DMD: variants seen among roughly 807,000 people sequenced by gnomAD.
The protein encoded by DMD is mutant dystrophin.
In DMD, 63 loss-of-function variants were observed where a neutral mutation model predicts 330.1. That is an observed-to-expected ratio of 0.19 (90% CI 0.16 to 0.24). The LOEUF is 0.24. Ranked by LOEUF, DMD falls within the 10% of genes least tolerant of loss-of-function variation. The pLI, the probability that DMD is intolerant of heterozygous loss-of-function variation, is 1.00. For missense variants in DMD, 3,344 were observed against 2,684.1 expected, an observed-to-expected ratio of 1.25 and a Z score of -5.43; for synonymous variants, 1,223 against 959.8, an observed-to-expected ratio of 1.27 and a Z score of -5.07.
chrX:33,290,656 A>G (rs2034053147), intron 1 of DMD, among the ~76,000 whole-genome samples: 1 of 111,550 alleles, frequency 9.0e-6, no homozygotes, highest in Admixed American at 9.6e-5. Context: ...CAAGTAATAT[A>G]AACTAGACAA....
chrX:33,072,048 T>C (rs1366787294), intron 1 of DMD, among the ~76,000 whole-genome samples: 2 of 112,353 alleles, frequency 1.8e-5, no homozygotes, highest in Non-Finnish European at 3.7e-5. Context: ...AATGTGTTCA[T>C]AGTGATTTTT....
intron 11 of DMD, among the ~76,000 whole-genome samples, chrX:32,635,103 G>A (rs1201324566): frequency 2.7e-5 from 3 of 111,390 alleles, no homozygotes; most frequent in South Asian, 3.8e-4. Flanking sequence ...GTTCTTTGTC[G>A]GTTTCCACTG....
rs184521824 is a variant in DMD, at chrX:32,701,306, A to G, written c.650-2013T>C. Reference sequence around the variant, plus strand: ...AGACATTTCAATGCACAAGGCTGAAAGGTACAAAGTTATACAACACATATG... The same window carrying G: ...AGACATTTCAATGCACAAGGCTGAAGGGTACAAAGTTATACAACACATATG... On this transcript the variant is annotated intron_variant, in intron 7 of 78. Transcript: ENST00000357033. 3.6e-3 allele frequency among the ~76,000 whole-genome samples: 406 copies of G among 112,316 alleles called. 6 individuals carry two copies. The highest frequency in any genetic ancestry group is 0.029 in the Admixed American group (308 of 10,538).
At chrX:32,489,433 T>G (rs2042785264) in intron 20 of DMD, among the ~76,000 whole-genome samples, 1 of 110,185 alleles carries the variant, frequency 9.1e-6, no homozygotes, top group Non-Finnish European at 1.9e-5. Context: ...TAGCCCTCAT[T>G]CTCTCTCTCT....
At chrX:32,192,905 C>T in intron 44 of DMD, among the ~76,000 whole-genome samples, 1 of 111,706 alleles carries the variant, frequency 9.0e-6, no homozygotes, top group Non-Finnish European at 1.9e-5. Flanking sequence ...ATATGTGTCC[C>T]CGCCCAAATC....
chrX:31,995,848 A>G (rs979372883), intron 44 of DMD, among the ~76,000 whole-genome samples: 2 of 112,346 alleles, frequency 1.8e-5, no homozygotes, highest in African/African-American at 6.5e-5. Flanking sequence ...GGCCACATTC[A>G]TGGTGAATCT....
intron 45 of DMD, among the ~76,000 whole-genome samples, chrX:31,935,017 T>C (rs1303744858): frequency 8.9e-6 from 1 of 112,075 alleles, no homozygotes; most frequent in African/African-American, 3.2e-5. Context: ...TCTTCTACTC[T>C]ATGTGCTTGG....
chrX:32,794,708 C>A (rs756038434), intron 7 of DMD, among the ~76,000 whole-genome samples: 46 of 112,228 alleles, frequency 4.1e-4, no homozygotes, highest in African/African-American at 1.4e-3. Flanking sequence ...TACAAGGCGT[C>A]CTAATAGAAG....
At chrX:32,413,837 C>T (rs1039771088) in intron 29 of DMD, among the ~76,000 whole-genome samples, 6 of 107,579 alleles carry the variant, frequency 5.6e-5, no homozygotes, top group Non-Finnish European at 1.1e-4. Context: ...TCTCCTGCCT[C>T]AGCCTCTCAA....
intron 44 of DMD, among the ~76,000 whole-genome samples, chrX:32,163,071 A>G (rs2096855999): frequency 9.0e-6 from 1 of 111,423 alleles, no homozygotes; most frequent in Non-Finnish European, 1.9e-5. Context: ...CCAAAACAAA[A>G]TTATTGCTTC....
intron 11 of DMD, among the ~76,000 whole-genome samples, chrX:32,618,433 T>A (rs1218466916): frequency 9.0e-6 from 1 of 111,594 alleles, no homozygotes; most frequent in Non-Finnish European, 1.9e-5. Context: ...ATACACCACG[T>A]TCTCACTTAT....
chrX:32,294,395 A>T (rs768448919), intron 42 of DMD, among the ~76,000 whole-genome samples: 1 of 111,699 alleles, frequency 9.0e-6, no homozygotes, highest in South Asian at 3.8e-4. Context: ...AAAGTTATCC[A>T]GTTATGGCTT....
At position 31,251,278 on chromosome X, in the gene DMD, G is replaced by A. The variant is rs181772233; in HGVS notation, c.9286+9677C>T. Among the ~76,000 whole-genome samples, 475 of 109,845 alleles carry A rather than the reference G, an allele frequency of 4.3e-3. 3 individuals are homozygous for A. Among genetic ancestry groups the A allele is most frequent in the Non-Finnish European group, 6.3e-3 (333 of 52,699 alleles). ...CTGGAAGCGCTGGGACTACAGGTGC[G>A]TGCCACCATGCCTGGCCTTAAAGTG... On this transcript the variant is annotated intron_variant, in intron 63 of 78. Coordinates refer to ENST00000357033, the MANE Select transcript of DMD (RefSeq NM_004006.3).
At chrX:32,954,635 A>G (rs764534700) in intron 2 of DMD, among the ~76,000 whole-genome samples, 23 of 111,390 alleles carry the variant, frequency 2.1e-4, no homozygotes, top group Non-Finnish European at 4.1e-4. Context: ...TTATTTTGTC[A>G]TCCAGATATA....
chrX:32,304,390 A>C (rs1458273809), intron 42 of DMD, among the ~76,000 whole-genome samples: 1 of 111,100 alleles, frequency 9.0e-6, no homozygotes, highest in Non-Finnish European at 1.9e-5. Context: ...ATTGCAGCAT[A>C]ATAGTCAAGG....
chrX:32,307,216 G>A (rs954123499), intron 42 of DMD, among the ~76,000 whole-genome samples: 1 of 111,311 alleles, frequency 9.0e-6, no homozygotes, highest in African/African-American at 3.3e-5. Flanking sequence ...AGGACAGGGA[G>A]CAAGTGAAAT....
At chrX:32,710,239 A>G (rs1424620722) in intron 7 of DMD, among the ~76,000 whole-genome samples, 1 of 110,505 alleles carries the variant, frequency 9.0e-6, no homozygotes, top group African/African-American at 3.3e-5. Context: ...AATAAGTGAC[A>G]GTCTGATTAA....
chrX:31,827,386 A>T (rs775569332), intron 49 of DMD, among the ~76,000 whole-genome samples: 2 of 112,215 alleles, frequency 1.8e-5, no homozygotes, highest in Non-Finnish European at 3.8e-5. Flanking sequence ...ACAGTACTCA[A>T]TTTATATGCA....
chrX:31,512,653 G>A (rs1220271955), intron 55 of DMD, among the ~76,000 whole-genome samples: 5 of 110,418 alleles, frequency 4.5e-5, no homozygotes, highest in East Asian at 2.9e-4. Flanking sequence ...GTAGATATGC[G>A]GCATTATTTC....
Sources: gnomAD v4.1 joint callset for allele counts (sites outside exome capture counted in the v4.1 genomes callset) on GRCh38, gnomAD v4.1.1 for gene constraint, MANE v1.5 for transcripts, NCBI Gene and HGNC (gene_info 2026-07-23, HGNC 2026-07-21) for gene names.